The following FBXO16 variants were observed in gnomAD, a reference collection of about 807,000 sequenced individuals.
FBXO16 encodes F-box only protein 16.
FBXO16 carries 31 observed loss-of-function variants against 41.0 expected under a neutral mutation model. The ratio of observed to expected loss-of-function variants is 0.76; its 90% CI spans 0.57 to 1.02. FBXO16 has a LOEUF of 1.02. Among genes scored for constraint, FBXO16 ranks in the 50% least tolerant of loss-of-function variants. The probability of loss-of-function intolerance (pLI) is 0.00; values close to 1 mark genes in which losing one functional copy is unlikely to be tolerated. For missense variants in FBXO16, 361 were observed against 346.2 expected, an observed-to-expected ratio of 1.04 and a Z score of -0.34; for synonymous variants, 133 against 117.8, an observed-to-expected ratio of 1.13 and a Z score of -0.84.
At chr8:28,459,425 C>T (rs976750558) in intron 4 of FBXO16, among the ~76,000 whole-genome samples, 1 of 151,972 alleles carries the variant, frequency 6.6e-6, no homozygotes, top group East Asian at 1.9e-4. Flanking sequence ...CCAGACCTGT[C>T]TGGCCAACAT....
intron 6 of FBXO16, chr8:28,448,805 GTAAA>G (rs1802906230): frequency 6.6e-6 from 1 of 152,186 alleles, no homozygotes; most frequent in African/African-American, 2.4e-5. Context: ...GCCTATTTCT[GTAAA>G]TAAAGTTTTA....
chr8:28,479,033 TC>T (rs1287708558), intron 2 of FBXO16, among the ~76,000 whole-genome samples: 1 of 152,040 alleles, frequency 6.6e-6, no homozygotes, highest in African/African-American at 2.4e-5. Flanking sequence ...GTAAGATGCC[TC>T]CTCCTGCTTT....
intron 4 of FBXO16, among the ~76,000 whole-genome samples, chr8:28,460,819 T>C (rs1185057192): frequency 6.6e-6 from 1 of 152,082 alleles, no homozygotes; most frequent in Non-Finnish European, 1.5e-5. Flanking sequence ...GCTGCAGCTT[T>C]AACCTCCTGG....
At chr8:28,430,109 G>T (rs965576868) in intron 7 of FBXO16, among the ~76,000 whole-genome samples, 5 of 152,158 alleles carry the variant, frequency 3.3e-5, no homozygotes, top group African/African-American at 1.2e-4. Context: ...GTCTCACTCG[G>T]TCTCCAAGGC....
chr8:28,433,081 A>C (rs1398988108), intron 7 of FBXO16, among the ~76,000 whole-genome samples: 1 of 144,662 alleles, frequency 6.9e-6, no homozygotes, highest in South Asian at 2.5e-4. Context: ...AAACAAACAA[A>C]AAACAAACAA....
chr8:28,462,318 G>A (rs917595974), intron 4 of FBXO16, among the ~76,000 whole-genome samples: 7 of 142,862 alleles, frequency 4.9e-5, no homozygotes, highest in African/African-American at 1.8e-4. Context: ...TCGCTCTGTC[G>A]CTCAGGCTGG....
intron 7 of FBXO16, among the ~76,000 whole-genome samples, chr8:28,437,957 G>A (rs559467495): frequency 6.6e-6 from 1 of 152,288 alleles, no homozygotes; most frequent in South Asian, 2.1e-4. Context: ...GGCCATGTAG[G>A]AGCTGAAAAT....
chr8:28,431,554 C>T (rs1802605981), intron 7 of FBXO16, among the ~76,000 whole-genome samples: 1 of 152,202 alleles, frequency 6.6e-6, no homozygotes, highest in African/African-American at 2.4e-5. Context: ...TCCTACTGAT[C>T]TTTTCCCTTG....
At chr8:28,430,789 G>A (rs1802594158) in intron 7 of FBXO16, among the ~76,000 whole-genome samples, 1 of 152,070 alleles carries the variant, frequency 6.6e-6, no homozygotes, top group Admixed American at 6.6e-5. Flanking sequence ...TGGCCAACAT[G>A]GTGAAACCCT....
At chr8:28,470,052 G>A (rs1057286703) in intron 3 of FBXO16, among the ~76,000 whole-genome samples, 2 of 151,088 alleles carry the variant, frequency 1.3e-5, no homozygotes, top group Non-Finnish European at 2.9e-5. Flanking sequence ...AAATTAGCCG[G>A]GCGCGGTGGT....
intron 7 of FBXO16, among the ~76,000 whole-genome samples, chr8:28,441,289 T>C (rs1802769074): frequency 1.3e-5 from 2 of 152,152 alleles, no homozygotes; most frequent in South Asian, 2.1e-4. Flanking sequence ...CCCTAATCTC[T>C]AGACCAGCAG....
intron 5 of FBXO16, among the ~76,000 whole-genome samples, chr8:28,456,266 C>T (rs1195798158): frequency 1.3e-5 from 2 of 152,126 alleles, no homozygotes; most frequent in African/African-American, 4.8e-5. Context: ...TGCTTAGTTC[C>T]TAGCAAAAAC....
chr8:28,463,831 A>C lies in FBXO16; in HGVS notation c.136-13T>G, dbSNP rs1412456723. On this transcript the variant is annotated splice_polypyrimidine_tract_variant and intron_variant, in intron 3 of 8. Coordinates refer to ENST00000380254, the MANE Select transcript of FBXO16 (RefSeq NM_172366.4). ...TCCATTTGTCAAACTGGAAACACAA[A>C]ACAAAGCAAAATGTAAAAAGCTCCA... The C allele has an allele frequency of 3.1e-6, 5 of 1,611,354 alleles. No individual in the cohort carries two copies. The highest frequency in any genetic ancestry group is 4.2e-6 in the Non-Finnish European group (5 of 1,179,464).
intron 7 of FBXO16, among the ~76,000 whole-genome samples, chr8:28,442,799 A>G (rs756010016): frequency 2.0e-4 from 30 of 152,204 alleles, no homozygotes; most frequent in Non-Finnish European, 3.8e-4. Context: ...GCACACTTTC[A>G]AGGTGGCGGG....
chr8:28,481,401 A>C (rs1392902746), intron 2 of FBXO16, among the ~76,000 whole-genome samples: 1 of 152,046 alleles, frequency 6.6e-6, no homozygotes, highest in African/African-American at 2.4e-5. Context: ...AGAGATTGGG[A>C]GGAGGACTCA....
chr8:28,444,509 T>G, intron 7 of FBXO16, among the ~76,000 whole-genome samples: 1 of 148,048 alleles, frequency 6.8e-6, no homozygotes, highest in South Asian at 2.1e-4. Context: ...AGACGGAGTC[T>G]TGCTCTGTTG....
chr8:28,454,104 T>C (rs933666980), intron 5 of FBXO16, among the ~76,000 whole-genome samples: 5 of 151,950 alleles, frequency 3.3e-5, no homozygotes, highest in Admixed American at 1.3e-4. Context: ...AGGCAGAGGT[T>C]GCAGTGAGCT....
At chr8:28,484,603 T>G (rs1803571095) in intron 1 of FBXO16, among the ~76,000 whole-genome samples, 1 of 152,182 alleles carries the variant, frequency 6.6e-6, no homozygotes, top group African/African-American at 2.4e-5. Context: ...ACTGATTGAT[T>G]TATTTTGAGA....
At position 28,473,787 on chromosome 8, in the gene FBXO16, G is replaced by C; in HGVS notation, c.120C>G (p.Ala40=). Residue 40 remains alanine (A), a synonymous_variant, in exon 3 of 9, where the codon GCC becomes GCG. Transcript: ENST00000380254. ...LNDRVFEERR[A]LLGKWFDKWT... is the part of the protein sequence containing the mutation. Reference sequence around the variant, plus strand: ...AAATGTTTACCCATTTGCCAAGCAGGGCTCTTCTTTCTTCAAATACCTACA... The same window carrying C: ...AAATGTTTACCCATTTGCCAAGCAGCGCTCTTCTTTCTTCAAATACCTACA... The C allele has an allele frequency of 6.2e-7, 1 of 1,603,356 alleles. No individual in the cohort carries two copies. Among genetic ancestry groups the C allele is most frequent in the South Asian group, 1.1e-5 (1 of 89,552 alleles).
Sources: gnomAD v4.1 joint callset for allele counts (sites outside exome capture counted in the v4.1 genomes callset) on GRCh38, gnomAD v4.1.1 for gene constraint, MANE v1.5 for transcripts, NCBI Gene and HGNC (gene_info 2026-07-23, HGNC 2026-07-21) for gene names.